Variants in NADK observed in about 807,000 individuals in gnomAD.
NADK encodes poly(P)/ATP NAD kinase.
A neutral mutation model predicts 49.8 loss-of-function variants in NADK; 22 were observed. The ratio of observed to expected loss-of-function variants is 0.44; its 90% CI spans 0.32 to 0.63. The LOEUF is 0.63. NADK is among the 30% of genes least tolerant of loss of function. NADK has a pLI of 0.06. For missense variants in NADK, 438 were observed against 609.4 expected (o/e 0.72, Z 2.96); for synonymous variants, 268 against 253.7 (o/e 1.06, Z -0.54).
At chr1:1,756,832 G>A (rs770591001) in intron 4 of NADK, 2 of 874,766 alleles carry the variant, frequency 2.3e-6, no homozygotes, top group Non-Finnish European at 3.9e-6. Context: ...GACTAAGGCT[G>A]TTATTTCAGG....
intron 3 of NADK, among the ~76,000 whole-genome samples, chr1:1,761,185 G>A (rs1557846868): frequency 6.6e-6 from 1 of 152,176 alleles, no homozygotes; most frequent in African/African-American, 2.4e-5. Context: ...TAGAGATGGG[G>A]TTTCACCATA....
intron 5 of NADK, 32 bp from the exon 6 acceptor site, chr1:1,756,375 C>T: frequency 6.2e-7 from 1 of 1,609,720 alleles, no homozygotes; most frequent in Non-Finnish European, 8.5e-7. Flanking sequence ...CAAGAAGAGG[C>T]TGTCACACAG....
At chr1:1,773,229 T>C (rs1438840670) in intron 1 of NADK, among the ~76,000 whole-genome samples, 1 of 150,842 alleles carries the variant, frequency 6.6e-6, no homozygotes, top group African/African-American at 2.4e-5. Flanking sequence ...AACATCTGCC[T>C]CCAGGGTTCA....
At chr1:1,759,690 G>A in intron 3 of NADK, 1 of 1,538,998 alleles carries the variant, frequency 6.5e-7, no homozygotes, top group Non-Finnish European at 8.8e-7. Context: ...CCATGGGGGT[G>A]CCGAGAAAGC....
chr1:1,766,163 ACT>A, intron 1 of NADK, among the ~76,000 whole-genome samples: 2 of 151,214 alleles, frequency 1.3e-5, no homozygotes, highest in Non-Finnish European at 3.0e-5. Context: ...GAAAAGAAAG[ACT>A]CTGGCCAGGT....
chr1:1,758,596 A>G (rs1645611762), intron 3 of NADK: 1 of 1,500,064 alleles, frequency 6.7e-7, no homozygotes, highest in Non-Finnish European at 8.9e-7. Context: ...AACTCAAAGC[A>G]AAACACAATT....
chr1:1,754,767 G>A lies in NADK; in HGVS notation c.689-69C>T, dbSNP rs1570502852. 4 of 1,462,298 alleles carry A rather than the reference G, an allele frequency of 2.7e-6. No homozygotes were observed. The highest frequency in any genetic ancestry group is 2.3e-5 in the East Asian group (1 of 43,612). 90.6% of individuals were successfully genotyped at this position (1,462,298 alleles called of 1,614,324 possible). Reference sequence around the variant, plus strand: ...GTGGGGTCAGGGGCCCCACCCCAGGGAGGCCAGTGGGAGTCAGAGGGCTCT... The same window carrying A: ...GTGGGGTCAGGGGCCCCACCCCAGGAAGGCCAGTGGGAGTCAGAGGGCTCT... On this transcript the variant is annotated intron_variant, in intron 7 of 11. Transcript: ENST00000341426. This position sits in a 1 kb window ranked among gnomAD's most constrained non-coding sequence, Gnocchi z 4.3.
intron 2 of NADK, 59 bp from the exon 3 acceptor site, chr1:1,762,094 G>T: frequency 7.0e-7 from 1 of 1,434,818 alleles, no homozygotes; most frequent in South Asian, 1.1e-5. Context: ...TGCAGTGACA[G>T]ACACAGATAC....
chr1:1,761,930 G>T (rs755922356), intron 3 of NADK, 22 bp downstream of exon 3: 11 of 1,612,504 alleles, frequency 6.8e-6, no homozygotes, highest in Non-Finnish European at 8.5e-6. Context: ...AGAACCCCCC[G>T]TCCTGGGGCC....
chr1:1,757,791 G>A (rs1645577914), intron 3 of NADK, among the ~76,000 whole-genome samples: 2 of 152,120 alleles, frequency 1.3e-5, no homozygotes, highest in African/African-American at 2.4e-5. Flanking sequence ...CCCCACGGGA[G>A]CCCAGGACCC....
intron 3 of NADK, chr1:1,759,082 GC>G: frequency 6.6e-7 from 1 of 1,513,554 alleles, no homozygotes; most frequent in Non-Finnish European, 8.9e-7. Context: ...TGCTCTCCCC[GC>G]CAACAGTCAC....
At chr1:1,767,298 T>C (rs972941172) in intron 1 of NADK, among the ~76,000 whole-genome samples, 1 of 152,222 alleles carries the variant, frequency 6.6e-6, no homozygotes, top group Non-Finnish European at 1.5e-5. Flanking sequence ...CTTGGAAGTT[T>C]CTGAACTTTC....
chr1:1,765,239 G>A lies in NADK; in HGVS notation c.168C>T (p.Thr56=), dbSNP rs1645849738. 1 of 1,601,098 alleles carries A rather than the reference G, an allele frequency of 6.2e-7. No homozygotes were observed. Among genetic ancestry groups the A allele is most frequent in the Non-Finnish European group, 8.5e-7 (1 of 1,174,984 alleles). ...SLSASPALGS[T]KEFRRTRSLH... is the part of the protein sequence containing the mutation. ...CCTCCCAGTTGTACCTGAACTCCTTGGTGCTCCCCAGGGCGGGCGAGGCAG... is the reference window on the plus strand; with the variant it reads ...CCTCCCAGTTGTACCTGAACTCCTTAGTGCTCCCCAGGGCGGGCGAGGCAG... Residue 56 remains threonine (T), a synonymous_variant, in exon 2 of 12, where the codon ACC becomes ACT. Coordinates refer to ENST00000341426, the MANE Select transcript of NADK (RefSeq NM_023018.5).
chr1:1,757,146 GCACC>G, intron 4 of NADK, 31 bp downstream of exon 4: 1 of 1,524,032 alleles, frequency 6.6e-7, no homozygotes, highest in Non-Finnish European at 8.9e-7. Flanking sequence ...AACTCCATGT[GCACC>G]CCAGGCCCCC....
At chr1:1,758,177 C>T (rs895521849) in intron 3 of NADK, among the ~76,000 whole-genome samples, 2 of 152,206 alleles carry the variant, frequency 1.3e-5, no homozygotes, top group Admixed American at 6.5e-5. Flanking sequence ...ACCGCGCCAG[C>T]CAGCTAGTTC....
rs1252618572 is a variant in NADK, at chr1:1,766,637, A to G, written c.-40-1191T>C. ...CCAAACTGACCAATATTAAGCCTCA[A>G]AGAAAACTGGTGAGGATAGAAAACC... On this transcript the variant is annotated intron_variant, in intron 1 of 11. Coordinates refer to ENST00000341426, the MANE Select transcript of NADK (RefSeq NM_023018.5). 2.6e-5 allele frequency among the ~76,000 whole-genome samples: 4 copies of G among 151,654 alleles called. No individual in the cohort carries two copies. In the East Asian group the frequency reaches 7.7e-4, roughly 29 times the overall value.
intron 3 of NADK, chr1:1,761,608 T>G: frequency 4.2e-6 from 1 of 240,156 alleles, no homozygotes; most frequent in East Asian, 8.2e-5. Context: ...GCCCTGAGGA[T>G]CTCATGTGGA....
chr1:1,755,933 G>A (rs892340117), intron 6 of NADK: 8 of 502,448 alleles, frequency 1.6e-5, no homozygotes, highest in Non-Finnish European at 2.5e-5. Flanking sequence ...CTGTGCTGCT[G>A]AGAAACCAGG....
chr1:1,773,057 A>T (rs1646098564), intron 1 of NADK, among the ~76,000 whole-genome samples: 1 of 151,698 alleles, frequency 6.6e-6, no homozygotes, highest in Non-Finnish European at 1.5e-5. Context: ...AAAAAAAAAA[A>T]AGATGTTAAC....
Sources: gnomAD v4.1 joint callset for allele counts (sites outside exome capture counted in the v4.1 genomes callset) on GRCh38, gnomAD v4.1.1 for gene constraint, Gnocchi (gnomAD v3.1) non-coding constraint, MANE v1.5 for transcripts, NCBI Gene and HGNC (gene_info 2026-07-23, HGNC 2026-07-21) for gene names.